Variants in PTPRO observed in about 807,000 individuals in gnomAD.
The protein encoded by PTPRO is protein tyrosine phosphatase receptor type O.
PTPRO carries 62 observed loss-of-function variants against 145.2 expected under a neutral mutation model. The observed-to-expected ratio is 0.43, with a 90% CI of 0.35 to 0.53. The LOEUF (loss-of-function observed/expected upper bound fraction) is 0.53. Ranked by LOEUF, PTPRO falls within the 20% of genes least tolerant of loss-of-function variation. The pLI is 0.01. For synonymous variants in PTPRO, 565 were observed against 514.7 expected (o/e 1.10, Z -1.32); for missense variants, 1,345 against 1,482.7 (o/e 0.91, Z 1.53).
chr12:15,581,385 T>A (rs1168233400), intron 22 of PTPRO, among the ~76,000 whole-genome samples: 1 of 140,134 alleles, frequency 7.1e-6, no homozygotes, highest in Non-Finnish European at 1.5e-5. Context: ...ACTGCAAACC[T>A]CTGCCTCCCA....
chr12:15,488,152 A>G (rs1203775953), intron 2 of PTPRO, among the ~76,000 whole-genome samples: 1 of 152,178 alleles, frequency 6.6e-6, no homozygotes, highest in Non-Finnish European at 1.5e-5. Flanking sequence ...AGAAGAAGTG[A>G]TGTTGTCCTG....
At chr12:15,503,761 G>A in intron 5 of PTPRO, 147 bp from the exon 6 acceptor site, 1 of 616,458 alleles carries the variant, frequency 1.6e-6, no homozygotes. Flanking sequence ...TTCTTTAATG[G>A]TACCTTTAGT....
At chr12:15,551,521 A>G (rs376213705) in intron 14 of PTPRO, 30 bp from the exon 15 acceptor site, 3 of 1,610,980 alleles carry the variant, frequency 1.9e-6, no homozygotes, top group Non-Finnish European at 2.5e-6. Context: ...AAGAGAACCT[A>G]TGATGAAAAT....
chr12:15,584,899 G>T (rs1565446640), intron 23 of PTPRO, among the ~76,000 whole-genome samples: 1 of 152,072 alleles, frequency 6.6e-6, no homozygotes, highest in African/African-American at 2.4e-5. Context: ...CCTTTAACAA[G>T]AAAGGAGAGA....
intron 12 of PTPRO, among the ~76,000 whole-genome samples, chr12:15,543,734 A>C (rs763936932): frequency 1.3e-5 from 2 of 152,230 alleles, no homozygotes; most frequent in Admixed American, 1.3e-4. Flanking sequence ...GAAATAATTA[A>C]AGGCAGTAGA....
At chr12:15,528,201 A>C (rs1256771553) in intron 12 of PTPRO, among the ~76,000 whole-genome samples, 1 of 151,884 alleles carries the variant, frequency 6.6e-6, no homozygotes, top group East Asian at 1.9e-4. Context: ...ACTGAAAGTA[A>C]GTGAAGTCTG....
At chr12:15,345,227 C>A (rs1404233924) in intron 1 of PTPRO, among the ~76,000 whole-genome samples, 1 of 152,172 alleles carries the variant, frequency 6.6e-6, no homozygotes, top group Middle Eastern at 3.4e-3. Context: ...TGATACTATA[C>A]AATACAAAAC....
chr12:15,589,411 G>T, intron 24 of PTPRO, 44 bp from the exon 25 acceptor site: 1 of 1,610,460 alleles, frequency 6.2e-7, no homozygotes, highest in Non-Finnish European at 8.5e-7. Context: ...AGAAAAAAAA[G>T]AAGCACCATC....
At chr12:15,496,404 A>G (rs919599466) in intron 2 of PTPRO, among the ~76,000 whole-genome samples, 1 of 151,834 alleles carries the variant, frequency 6.6e-6, no homozygotes, top group Non-Finnish European at 1.5e-5. Flanking sequence ...GACCTTCCAC[A>G]ATGCTGGAAT....
chr12:15,496,285 GGC>G (rs1942105593), intron 2 of PTPRO, among the ~76,000 whole-genome samples: 1 of 151,590 alleles, frequency 6.6e-6, no homozygotes, highest in African/African-American at 2.4e-5. Context: ...TGGGATTACA[GGC>G]GTGTGTCACC....
chr12:15,404,252 G>A (rs2136303470), intron 1 of PTPRO, among the ~76,000 whole-genome samples: 1 of 146,504 alleles, frequency 6.8e-6, no homozygotes, highest in East Asian at 2.0e-4. Context: ...AATAGTATTT[G>A]ACTAAATAAC....
intron 12 of PTPRO, among the ~76,000 whole-genome samples, chr12:15,532,516 G>T (rs1198888901): frequency 1.3e-5 from 2 of 152,084 alleles, no homozygotes; most frequent in African/African-American, 4.8e-5. Context: ...CAAAAGAACA[G>T]CTAATTCCCT....
intron 25 of PTPRO, among the ~76,000 whole-genome samples, chr12:15,593,373 T>C (rs554926188): frequency 6.6e-6 from 1 of 152,316 alleles, no homozygotes; most frequent in African/African-American, 2.4e-5. Flanking sequence ...ATAGAGAAAC[T>C]CTGGGAAACA....
At chr12:15,439,807 C>A in intron 1 of PTPRO, 1 of 611,114 alleles carries the variant, frequency 1.6e-6, no homozygotes, top group East Asian at 3.3e-5. Flanking sequence ...ATATCATTGA[C>A]TTTTTCTTGG....
At chr12:15,528,959 C>T (rs1258695629) in intron 12 of PTPRO, among the ~76,000 whole-genome samples, 1 of 152,054 alleles carries the variant, frequency 6.6e-6, no homozygotes, top group African/African-American at 2.4e-5. Flanking sequence ...CTCAGAAAAA[C>T]AAAAGATGAA....
chr12:15,426,384 G>GTT (rs1302372535), intron 1 of PTPRO, among the ~76,000 whole-genome samples: 1 of 151,876 alleles, frequency 6.6e-6, no homozygotes, highest in East Asian at 1.9e-4. Context: ...CTTTTGCAAT[G>GTT]TTTACACTTT....
In PTPRO at chr12:15,415,410, A is replaced by C. The variant is rs1591791614; in HGVS notation, c.76-68564A>C. 3.5e-5 allele frequency among the ~76,000 whole-genome samples: 5 copies of C among 144,746 alleles called. No homozygotes were observed. The South Asian group carries it at 8.7e-4, about 25-fold the overall frequency. 95.0% of individuals were successfully genotyped at this position (144,746 alleles called of 152,430 possible). On this transcript the variant is annotated intron_variant, in intron 1 of 26. Transcript: ENST00000281171. ...AATTTTTTTTTTTTTTTTGAGATGGAGTCTCGCTCTGTCGCCCAGGCTGGA... is the reference window on the plus strand; with the variant it reads ...AATTTTTTTTTTTTTTTTGAGATGGCGTCTCGCTCTGTCGCCCAGGCTGGA...
intron 8 of PTPRO, among the ~76,000 whole-genome samples, chr12:15,516,324 A>C (rs1320324983): frequency 6.8e-6 from 1 of 147,086 alleles, no homozygotes; most frequent in Non-Finnish European, 1.5e-5. Flanking sequence ...GTAACATAGC[A>C]AGACCCTGTC....
chr12:15,514,587 A>G (rs1942537089), intron 7 of PTPRO, among the ~76,000 whole-genome samples: 1 of 151,972 alleles, frequency 6.6e-6, no homozygotes, highest in African/African-American at 2.4e-5. Context: ...TGCTTAGCAC[A>G]GTGACTTGCC....
Sources: gnomAD v4.1 joint callset for allele counts (sites outside exome capture counted in the v4.1 genomes callset) on GRCh38, gnomAD v4.1.1 for gene constraint, MANE v1.5 for transcripts, NCBI Gene and HGNC (gene_info 2026-07-23, HGNC 2026-07-21) for gene names.